Variants in ABCB11 observed in about 807,000 individuals in gnomAD.
ABCB11 encodes ATP binding cassette subfamily B member 11.
A neutral mutation model predicts 148.0 loss-of-function variants in ABCB11; 95 were observed. The ratio of observed to expected loss-of-function variants is 0.64; its 90% CI spans 0.54 to 0.76. ABCB11 has a LOEUF of 0.76. ABCB11 is among the 30% of genes least tolerant of loss of function. The probability of loss-of-function intolerance (pLI) is 0.00; values close to 1 mark genes in which losing one functional copy is unlikely to be tolerated. For missense variants in ABCB11, 1,523 were observed against 1,617.8 expected (o/e 0.94, Z 1.01); for synonymous variants, 591 against 555.4 (o/e 1.06, Z -0.90).
intron 15 of ABCB11, 91 bp downstream of exon 15, chr2:168,969,954 C>CAA: frequency 1.3e-6 from 1 of 755,888 alleles, no homozygotes; most frequent in Non-Finnish European, 2.2e-6. Flanking sequence ...CAACTACTCC[C>CAA]ATCCCTCCCA....
At chr2:168,936,073 C>T (rs1443121783) in intron 22 of ABCB11, among the ~76,000 whole-genome samples, 157 bp downstream of exon 22, 3 of 152,192 alleles carry the variant, frequency 2.0e-5, no homozygotes, top group Non-Finnish European at 2.9e-5. Context: ...TCAGCCTTTG[C>T]GCCAAGCACG....
At chr2:169,020,015 G>A (rs1332043834) in intron 1 of ABCB11, among the ~76,000 whole-genome samples, 1 of 152,138 alleles carries the variant, frequency 6.6e-6, no homozygotes, top group Non-Finnish European at 1.5e-5. Flanking sequence ...GTGAGCACAA[G>A]AGTTAACAAA....
chr2:169,013,639 T>C, intron 4 of ABCB11, 129 bp from the exon 5 acceptor site: 1 of 670,834 alleles, frequency 1.5e-6, no homozygotes, highest in East Asian at 2.7e-5. Flanking sequence ...TCACCTTAAT[T>C]GAGTGGCAGA....
At chr2:168,940,545 A>C (rs1692018688) in intron 21 of ABCB11, among the ~76,000 whole-genome samples, 1 of 152,094 alleles carries the variant, frequency 6.6e-6, no homozygotes, top group Admixed American at 6.6e-5. Context: ...TTTAAGGAAA[A>C]AAGCATCTCC....
chr2:169,009,410 G>A (rs1437936815), intron 5 of ABCB11, among the ~76,000 whole-genome samples: 2 of 152,008 alleles, frequency 1.3e-5, no homozygotes, highest in Non-Finnish European at 2.9e-5. Context: ...AAAAAATGAT[G>A]AGTTCATGTC....
At chr2:168,936,765 G>A (rs1691850148) in intron 21 of ABCB11, among the ~76,000 whole-genome samples, 1 of 152,114 alleles carries the variant, frequency 6.6e-6, no homozygotes, top group African/African-American at 2.4e-5. Flanking sequence ...GGTATCTCTA[G>A]AAGTAGAATC....
chr2:168,918,435 A>G (rs1486065411), downstream of ABCB11, among the ~76,000 whole-genome samples: 1 of 152,210 alleles, frequency 6.6e-6, no homozygotes, highest in African/African-American at 2.4e-5. Context: ...GCATACAAGT[A>G]TGTACAAGCA....
chr2:169,019,296 A>C (rs151297542), intron 1 of ABCB11, among the ~76,000 whole-genome samples: 19 of 152,236 alleles, frequency 1.2e-4, no homozygotes, highest in Non-Finnish European at 2.4e-4. Flanking sequence ...GGAGAATGAC[A>C]GAAGTGTAAT....
chr2:168,922,091 C>T lies in ABCB11; in HGVS notation c.*1531G>A, dbSNP rs894017987. ...GTCTCAATCTCTCGACCTCATGATC[C>T]GCCCGCCTTGGCCTCCCAAAGTGCT... On this transcript the variant is annotated 3_prime_UTR_variant, in exon 28 of 28. Transcript: ENST00000650372. Among the ~76,000 whole-genome samples the T allele has an allele frequency of 4.6e-5, 7 of 152,062 alleles. No homozygotes were observed. Among genetic ancestry groups the T allele is most frequent in the African/African-American group, 1.7e-4 (7 of 41,416 alleles).
chr2:168,974,677 A>G (rs1181827363), intron 12 of ABCB11, among the ~76,000 whole-genome samples: 1 of 152,042 alleles, frequency 6.6e-6, no homozygotes, highest in Non-Finnish European at 1.5e-5. Flanking sequence ...TACTCGTACT[A>G]TGAATAAATA....
intron 18 of ABCB11, among the ~76,000 whole-genome samples, chr2:168,960,413 C>A (rs1479349168): frequency 6.6e-6 from 1 of 151,646 alleles, no homozygotes; most frequent in Non-Finnish European, 1.5e-5. Flanking sequence ...TAAATACCAG[C>A]ATTTTCTGGA....
chr2:168,969,570 C>T lies in ABCB11; in HGVS notation c.1810-19G>A, dbSNP rs554532255. 11 of 1,597,862 alleles carry T rather than the reference C, an allele frequency of 6.9e-6. No individual in the cohort carries two copies. The highest frequency in any genetic ancestry group is 2.2e-5 in the East Asian group (1 of 44,462). On this transcript the variant is annotated intron_variant, in intron 15 of 27. Coordinates refer to ENST00000650372, the MANE Select transcript of ABCB11 (RefSeq NM_003742.4). ...GCTGAATCTGTAAGAATGTACAGTG[C>T]ACCATTAAACAAAACTGTGAGACAG...
Position 168,955,220 on chromosome 2 carries a change from A to G in ABCB11, c.2343+2744T>C, listed in dbSNP as rs117596105. Among the ~76,000 whole-genome samples, 196 of 151,840 alleles carry G rather than the reference A, an allele frequency of 1.3e-3. 8 individuals are homozygous for G. In the East Asian group the frequency reaches 0.037, roughly 28 times the overall value. The stretch of plus-strand genomic sequence containing the variant: ...TGCATTTTACTATCTTTAAAAATCA[A>G]TATTTTAAATTATTTACCCGGCATT... On this transcript the variant is annotated intron_variant, in intron 19 of 27. Coordinates refer to ENST00000650372, the MANE Select transcript of ABCB11 (RefSeq NM_003742.4).
Position 168,976,510 on chromosome 2 carries a change from G to T in ABCB11, c.1308+67C>A, listed in dbSNP as rs912691892. The T allele has an allele frequency of 1.2e-5, 11 of 926,962 alleles. No homozygotes were observed. In the African/African-American group the frequency reaches 1.7e-4, roughly 14 times the overall value. The allele number at this position is 926,962 out of a possible 1,614,324, so 57.4% of individuals were successfully genotyped here. A position where few individuals can be genotyped will look rare whatever the true frequency, so the allele number is the denominator to read the frequency against. On this transcript the variant is annotated intron_variant, in intron 12 of 27. Transcript: ENST00000650372. ...TCAGGCTTCAGAAAATGAGCAATTTGTGGTTATGCAAATAAATCATCGAAG... is the reference window on the plus strand; with the variant it reads ...TCAGGCTTCAGAAAATGAGCAATTTTTGGTTATGCAAATAAATCATCGAAG...
chr2:169,003,672 G>A (rs780269391), intron 5 of ABCB11, among the ~76,000 whole-genome samples: 3 of 152,104 alleles, frequency 2.0e-5, no homozygotes, highest in Non-Finnish European at 4.4e-5. Context: ...ATCACACACT[G>A]TTTTCCATAG....
intron 17 of ABCB11, among the ~76,000 whole-genome samples, chr2:168,967,718 T>C (rs941038466): frequency 6.6e-6 from 1 of 151,866 alleles, no homozygotes; most frequent in African/African-American, 2.4e-5. Flanking sequence ...ATAACAGTTA[T>C]AAATATAGAC....
At chr2:168,985,727 G>C (rs1408299672) in intron 10 of ABCB11, among the ~76,000 whole-genome samples, 1 of 152,074 alleles carries the variant, frequency 6.6e-6, no homozygotes, top group East Asian at 1.9e-4. Context: ...TCACTCATAA[G>C]TGGGAGCTAA....
In ABCB11 at chr2:168,953,653, T is replaced by G. The variant is rs147267401; in HGVS notation, c.2343+4311A>C. Among the ~76,000 whole-genome samples the G allele has an allele frequency of 2.4e-3, 365 of 151,666 alleles. 6 individuals carry two copies. Among genetic ancestry groups the G allele is most frequent in the Non-Finnish European group, 7.8e-4 (53 of 67,704 alleles). On this transcript the variant is annotated intron_variant, in intron 19 of 27. Coordinates refer to ENST00000650372, the MANE Select transcript of ABCB11 (RefSeq NM_003742.4). ...ATTTTTTTAATCCATTCTTCCAATA[T>G]GTATTTAATAGTGGACATTTAATCC...
chr2:168,969,655 T>C (rs1574447443), intron 15 of ABCB11, 104 bp from the exon 16 acceptor site: 8 of 1,057,102 alleles, frequency 7.6e-6, no homozygotes, highest in Non-Finnish European at 1.1e-5. Context: ...CCTTGGTCCC[T>C]GGGAATATTC....
Sources: gnomAD v4.1 joint callset for allele counts (sites outside exome capture counted in the v4.1 genomes callset) on GRCh38, gnomAD v4.1.1 for gene constraint, MANE v1.5 for transcripts, NCBI Gene and HGNC (gene_info 2026-07-23, HGNC 2026-07-21) for gene names.